DLGAP2: variants seen among roughly 807,000 people sequenced by gnomAD.
DLGAP2 encodes disks large-associated protein 2.
A neutral mutation model predicts 100.3 loss-of-function variants in DLGAP2; 26 were observed. That is an observed-to-expected ratio of 0.26 (90% CI 0.19 to 0.36). The LOEUF (loss-of-function observed/expected upper bound fraction) is 0.36. Among genes scored for constraint, DLGAP2 ranks in the 10% least tolerant of loss-of-function variants. The probability of loss-of-function intolerance (pLI) is 1.00; values close to 1 mark genes in which losing one functional copy is unlikely to be tolerated. For missense variants in DLGAP2, 1,858 were observed against 1,453.2 expected (o/e 1.28, Z -4.53); for synonymous variants, 886 against 630.1 (o/e 1.41, Z -6.08).
chr8:1,094,003 C>A (rs72507629), intron 2 of DLGAP2, among the ~76,000 whole-genome samples: 1 of 108,414 alleles, frequency 9.2e-6, no homozygotes, highest in Non-Finnish European at 2.0e-5. Flanking sequence ...GGCAGCTCCC[C>A]GGTGGAGGGA....
intron 4 of DLGAP2, among the ~76,000 whole-genome samples, chr8:1,515,187 C>G (rs1273013476): frequency 6.6e-6 from 1 of 152,142 alleles, no homozygotes; most frequent in Non-Finnish European, 1.5e-5. Context: ...AGAGTTGTTG[C>G]ATTGATTCTT....
chr8:935,067 C>T (rs1198808206), intron 2 of DLGAP2, among the ~76,000 whole-genome samples: 1 of 152,236 alleles, frequency 6.6e-6, no homozygotes, highest in African/African-American at 2.4e-5. Flanking sequence ...GAACCGTGTA[C>T]CGCGAGCTGT....
At chr8:1,561,007 C>T (rs145966326) in intron 5 of DLGAP2, among the ~76,000 whole-genome samples, 86 of 152,284 alleles carry the variant, frequency 5.6e-4, no homozygotes, top group Admixed American at 1.0e-3. Context: ...CCATAATCCT[C>T]ATGTGTCATG....
rs569326789 is a variant in DLGAP2 at position 1,036,982 on chromosome 8, C to T, written c.73+129016C>T. On this transcript the variant is annotated intron_variant, in intron 2 of 14. Coordinates refer to ENST00000637795, the MANE Select transcript of DLGAP2 (RefSeq NM_001346810.2). ...TTCCTTCTCCTGATGAATAAGGGGCCGTGGAGCCTCCTGAGCCAGTGACTG... is the reference window on the plus strand; with the variant it reads ...TTCCTTCTCCTGATGAATAAGGGGCTGTGGAGCCTCCTGAGCCAGTGACTG... Among the ~76,000 whole-genome samples the T allele has an allele frequency of 4.6e-5, 7 of 152,152 alleles. No homozygotes were observed. In the South Asian group the frequency reaches 6.2e-4, roughly 14 times the overall value.
intron 3 of DLGAP2, among the ~76,000 whole-genome samples, chr8:1,492,084 C>T (rs1055538165): frequency 1.1e-4 from 17 of 152,310 alleles, no homozygotes; most frequent in African/African-American, 4.1e-4. Flanking sequence ...TTTCTCTTGG[C>T]CTGATTTAAG....
rs1311348296 is a variant in DLGAP2 at position 792,944 on chromosome 8, T to G, written c.18+55119T>G. Among the ~76,000 whole-genome samples the G allele has an allele frequency of 2.6e-5, 4 of 152,342 alleles. No homozygotes were observed. The East Asian group carries it at 7.7e-4, about 29-fold the overall frequency. On this transcript the variant is annotated intron_variant, in intron 1 of 14. Transcript: ENST00000637795. ...CTATTGTGCTTTTCTATCAGCACCT[T>G]TTACCTTAACAACAAGGAGTTGTCT... is the stretch of plus-strand genomic sequence containing the variant.
chr8:1,318,184 G>T (rs1207847146), intron 3 of DLGAP2, among the ~76,000 whole-genome samples: 1 of 152,084 alleles, frequency 6.6e-6, no homozygotes, highest in Non-Finnish European at 1.5e-5. Context: ...CTCTCCAACA[G>T]TCTACAAATG....
At chr8:920,926 C>T (rs906491834) in intron 2 of DLGAP2, among the ~76,000 whole-genome samples, 4 of 152,228 alleles carry the variant, frequency 2.6e-5, no homozygotes. Context: ...GAGCTGAATC[C>T]TGGTCCTCAC....
At chr8:1,173,651 A>G (rs1268714493) in intron 2 of DLGAP2, among the ~76,000 whole-genome samples, 2 of 152,222 alleles carry the variant, frequency 1.3e-5, no homozygotes, top group Admixed American at 6.5e-5. Flanking sequence ...GCTAGCAATC[A>G]GCAAGACGTT....
At chr8:1,289,119 G>C (rs1038641932) in intron 3 of DLGAP2, among the ~76,000 whole-genome samples, 24 of 152,312 alleles carry the variant, frequency 1.6e-4, no homozygotes, top group African/African-American at 5.8e-4. Context: ...CCCCTGAATT[G>C]AGACCCCAGG....
chr8:940,975 A>G (rs1163151591), intron 2 of DLGAP2, among the ~76,000 whole-genome samples: 1 of 152,144 alleles, frequency 6.6e-6, no homozygotes, highest in Non-Finnish European at 1.5e-5. Flanking sequence ...GCGGGGTCAC[A>G]GTTCAGGGAT....
chr8:1,053,901 T>C (rs1802796529), intron 2 of DLGAP2, among the ~76,000 whole-genome samples: 1 of 152,244 alleles, frequency 6.6e-6, no homozygotes, highest in Admixed American at 6.5e-5. Flanking sequence ...GCAAGTACTG[T>C]TGAGTTTATA....
intron 2 of DLGAP2, among the ~76,000 whole-genome samples, chr8:1,231,823 G>A (rs1000829825): frequency 6.6e-6 from 1 of 152,090 alleles, no homozygotes; most frequent in African/African-American, 2.4e-5. Flanking sequence ...GGAAGGGCGG[G>A]AGGAAGTGTT....
chr8:883,187 C>T (rs867283), intron 1 of DLGAP2: 5,366 of 152,498 alleles, frequency 0.035, 141 homozygotes, highest in African/African-American at 0.06. Context: ...AAGTCACGTG[C>T]TGTACCCACC....
At chr8:1,296,414 T>C (rs1195653815) in intron 3 of DLGAP2, among the ~76,000 whole-genome samples, 1 of 152,170 alleles carries the variant, frequency 6.6e-6, no homozygotes, top group Non-Finnish European at 1.5e-5. Flanking sequence ...ACAAAATATG[T>C]CATGATTATC....
chr8:1,131,972 T>C (rs1796304355), intron 2 of DLGAP2, among the ~76,000 whole-genome samples: 1 of 152,236 alleles, frequency 6.6e-6, no homozygotes, highest in Admixed American at 6.5e-5. Flanking sequence ...GGATCGATGG[T>C]GTCTTAAGCT....
At chr8:1,685,869 G>C (rs1167384931) in intron 12 of DLGAP2, among the ~76,000 whole-genome samples, 1 of 152,062 alleles carries the variant, frequency 6.6e-6, no homozygotes, top group Non-Finnish European at 1.5e-5. Flanking sequence ...TCAAAACCAC[G>C]ATGAGATGTC....
chr8:1,089,668 G>A (rs927718520), intron 2 of DLGAP2, among the ~76,000 whole-genome samples: 3 of 152,240 alleles, frequency 2.0e-5, no homozygotes, highest in African/African-American at 7.2e-5. Flanking sequence ...GCCAAGGAAT[G>A]CTGTTCTTAT....
intron 4 of DLGAP2, among the ~76,000 whole-genome samples, chr8:1,535,500 G>C (rs940691801): frequency 4.6e-5 from 7 of 152,196 alleles, no homozygotes; most frequent in Admixed American, 3.3e-4. Context: ...TGTCAGATGG[G>C]CATGCCTAGC....
Sources: allele counts gnomAD v4.1 joint callset (sites outside exome capture counted in the v4.1 genomes callset), GRCh38; gene constraint gnomAD v4.1.1; transcripts MANE v1.5; gene names NCBI Gene and HGNC (gene_info 2026-07-23, HGNC 2026-07-21).